LRP1B: variants seen among roughly 807,000 people sequenced by gnomAD.
The protein encoded by LRP1B is low-density lipoprotein receptor-related protein 1B.
LRP1B carries 217 observed loss-of-function variants against 556.6 expected under a neutral mutation model. The observed-to-expected ratio is 0.39, with a 90% CI of 0.35 to 0.44. LRP1B has a LOEUF of 0.44. Among genes scored for constraint, LRP1B ranks in the 20% least tolerant of loss-of-function variants. The probability of loss-of-function intolerance (pLI) is 1.00; values close to 1 mark genes in which losing one functional copy is unlikely to be tolerated. For missense variants in LRP1B, 5,053 were observed against 5,620.8 expected, an observed-to-expected ratio of 0.90 and a Z score of 3.23; for synonymous variants, 2,047 against 1,865.8, an observed-to-expected ratio of 1.10 and a Z score of -2.50.
rs1459784533 is a variant in LRP1B at position 141,394,501 on chromosome 2, T to C, written c.343+85895A>G. On this transcript the variant is annotated intron_variant, in intron 3 of 90. Coordinates refer to ENST00000389484, the MANE Select transcript of LRP1B (RefSeq NM_018557.3). ...AAAAAATCTTTTGAAATCTTGAAAT[T>C]TTCCCCAGGGCATCCATTTCCCTTT... Among the ~76,000 whole-genome samples, 5 of 152,188 alleles carry C rather than the reference T, an allele frequency of 3.3e-5. No individual in the cohort carries two copies. The East Asian group carries it at 9.6e-4, about 29-fold the overall frequency.
At chr2:141,816,147 A>G (rs1696538877) in intron 1 of LRP1B, among the ~76,000 whole-genome samples, 2 of 152,170 alleles carry the variant, frequency 1.3e-5, no homozygotes, top group South Asian at 4.1e-4. Flanking sequence ...AAAATCTCAG[A>G]AGAAAATCCC....
At chr2:142,079,924 G>C (rs1278287790) in intron 1 of LRP1B, among the ~76,000 whole-genome samples, 1 of 152,144 alleles carries the variant, frequency 6.6e-6, no homozygotes, top group East Asian at 1.9e-4. Flanking sequence ...CAGCCATCCT[G>C]TCTATAAAGG....
At chr2:141,424,080 A>T (rs1186322792) in intron 3 of LRP1B, among the ~76,000 whole-genome samples, 1 of 149,002 alleles carries the variant, frequency 6.7e-6, no homozygotes, top group African/African-American at 2.4e-5. Flanking sequence ...CAAGTTTTAT[A>T]GTTTTATGGA....
intron 84 of LRP1B, among the ~76,000 whole-genome samples, chr2:140,284,966 C>G (rs892401307): frequency 6.7e-6 from 1 of 149,874 alleles, no homozygotes; most frequent in African/African-American, 2.4e-5. Context: ...AGATATCTAT[C>G]TCTATATGTA....
At chr2:142,107,066 T>G (rs1214287154) in intron 1 of LRP1B, among the ~76,000 whole-genome samples, 1 of 152,172 alleles carries the variant, frequency 6.6e-6, no homozygotes, top group African/African-American at 2.4e-5. Flanking sequence ...GAGTGAGTTC[T>G]GCTTAGTTGT....
intron 3 of LRP1B, among the ~76,000 whole-genome samples, chr2:141,379,298 T>C (rs920435171): frequency 6.6e-6 from 1 of 152,080 alleles, no homozygotes; most frequent in Non-Finnish European, 1.5e-5. Context: ...AATTAAAACA[T>C]CCCAAATAGA....
At chr2:142,059,907 T>C (rs1003536320) in intron 1 of LRP1B, among the ~76,000 whole-genome samples, 2 of 152,096 alleles carry the variant, frequency 1.3e-5, no homozygotes, top group East Asian at 1.9e-4. Context: ...AAGTACATAG[T>C]TGAATAAAGT....
chr2:140,350,754 G>A (rs760533762), intron 77 of LRP1B, 43 bp downstream of exon 77: 2 of 1,567,820 alleles, frequency 1.3e-6, no homozygotes, highest in South Asian at 2.5e-5. Context: ...AAGCAGGTGG[G>A]GAAAAGGTAT....
chr2:141,022,462 A>G (rs1267373472), intron 11 of LRP1B, among the ~76,000 whole-genome samples: 1 of 152,010 alleles, frequency 6.6e-6, no homozygotes, highest in Non-Finnish European at 1.5e-5. Flanking sequence ...TCCTTTCTCC[A>G]CAAATATACA....
In LRP1B at chr2:141,254,790, A is replaced by G. The variant is rs564643996; in HGVS notation, c.344-149T>C. ...CTAGAAAAAAATATTTACCTAAAAT[A>G]TGTTAGTTTACATTTGCTTGAATTA... is the stretch of plus-strand genomic sequence containing the variant. On this transcript the variant is annotated intron_variant, in intron 3 of 90. Transcript: ENST00000389484. The G allele has an allele frequency of 6.0e-5, 33 of 552,340 alleles. 1 individual carries two copies. In the South Asian group the frequency reaches 7.7e-4, roughly 13 times the overall value. 34.2% of individuals were successfully genotyped at this position (552,340 alleles called of 1,614,324 possible).
intron 2 of LRP1B, among the ~76,000 whole-genome samples, chr2:141,506,491 T>C (rs2105142836): frequency 6.6e-6 from 1 of 152,244 alleles, no homozygotes; most frequent in South Asian, 2.1e-4. Context: ...AACATTCTAC[T>C]GTATTTACAT....
chr2:140,870,379 T>C (rs1693090687), intron 25 of LRP1B, among the ~76,000 whole-genome samples: 1 of 152,080 alleles, frequency 6.6e-6, no homozygotes, highest in Admixed American at 6.6e-5. Flanking sequence ...TATATACCAC[T>C]CCTCAAAATG....
At chr2:141,708,779 C>A (rs184064929) in intron 2 of LRP1B, among the ~76,000 whole-genome samples, 1 of 151,914 alleles carries the variant, frequency 6.6e-6, no homozygotes, top group Non-Finnish European at 1.5e-5. Flanking sequence ...CTAATCCGAC[C>A]GTGTTGTTAT....
intron 3 of LRP1B, among the ~76,000 whole-genome samples, chr2:141,303,968 G>T (rs953076703): frequency 6.6e-6 from 1 of 152,122 alleles, no homozygotes; most frequent in Non-Finnish European, 1.5e-5. Flanking sequence ...TTGGGGGAAA[G>T]ATGACATCTC....
chr2:140,840,794 CTTTTT>C (rs751997628), intron 30 of LRP1B, 119 bp downstream of exon 30: 2 of 648,636 alleles, frequency 3.1e-6, no homozygotes. Context: ...TCCATATTTA[CTTTTT>C]TTTTAACTCT....
intron 84 of LRP1B, among the ~76,000 whole-genome samples, chr2:140,291,759 A>G (rs1455240480): frequency 6.6e-6 from 1 of 152,100 alleles, no homozygotes; most frequent in Non-Finnish European, 1.5e-5. Flanking sequence ...GAATAGTGCC[A>G]CAATAAACAT....
intron 1 of LRP1B, among the ~76,000 whole-genome samples, chr2:141,926,186 A>T (rs1239598782): frequency 6.6e-6 from 1 of 152,190 alleles, no homozygotes; most frequent in Admixed American, 6.5e-5. Flanking sequence ...AATAAATGTA[A>T]ATCATTCTGA....
chr2:141,077,929 A>G (rs759773678), intron 7 of LRP1B, among the ~76,000 whole-genome samples: 3 of 151,204 alleles, frequency 2.0e-5, no homozygotes, highest in Non-Finnish European at 4.4e-5. Context: ...TAAAACTCCA[A>G]TCTGAGTCTA....
At chr2:140,908,180 T>C (rs1268699013) in intron 21 of LRP1B, 103 bp from the exon 22 acceptor site, 6 of 864,210 alleles carry the variant, frequency 6.9e-6, no homozygotes, top group Non-Finnish European at 1.1e-5. Context: ...TACTTGTCTT[T>C]AGCAAAAGAA....
Sources: gnomAD v4.1 joint callset for allele counts (sites outside exome capture counted in the v4.1 genomes callset) on GRCh38, gnomAD v4.1.1 for gene constraint, MANE v1.5 for transcripts, NCBI Gene and HGNC (gene_info 2026-07-23, HGNC 2026-07-21) for gene names.